RERE: variants seen among roughly 807,000 people sequenced by gnomAD.
The protein encoded by RERE is arginine-glutamic acid dipeptide repeats, also known as arginine-glutamic acid dipeptide repeats protein.
RERE carries 40 observed loss-of-function variants against 146.1 expected under a neutral mutation model. That is an observed-to-expected ratio of 0.27 (90% CI 0.21 to 0.36). The LOEUF (loss-of-function observed/expected upper bound fraction) is 0.36, where lower values mean the gene tolerates loss of function less well. RERE is among the 10% of genes least tolerant of loss of function. The probability of loss-of-function intolerance (pLI) is 1.00; values close to 1 mark genes in which losing one functional copy is unlikely to be tolerated. For missense variants in RERE, 1,933 were observed against 2,138.7 expected, an observed-to-expected ratio of 0.90 and a Z score of 1.90; for synonymous variants, 1,003 against 866.0, an observed-to-expected ratio of 1.16 and a Z score of -2.78.
chr1:8,577,183 GAAAGA>G (rs1646306544), intron 4 of RERE, among the ~76,000 whole-genome samples: 1 of 151,252 alleles, frequency 6.6e-6, no homozygotes, highest in South Asian at 2.1e-4. Context: ...AAAGATGAAA[GAAAGA>G]AATTTCATAT....
At chr1:8,477,858 G>C (rs1400018582) in intron 10 of RERE, among the ~76,000 whole-genome samples, 1 of 152,168 alleles carries the variant, frequency 6.6e-6, no homozygotes, top group East Asian at 1.9e-4. Context: ...ATGAAGTTAT[G>C]GAACAACGAA....
intron 11 of RERE, among the ~76,000 whole-genome samples, chr1:8,443,467 A>AAAAAAAAAAAAAAG: frequency 6.7e-6 from 1 of 148,990 alleles, no homozygotes; most frequent in Non-Finnish European, 1.5e-5. Context: ...AAGAAAAAAA[A>AAAAAAAAAAAAAAG]AAAAAAAAAA....
At chr1:8,666,642 T>C (rs901387486) in intron 1 of RERE, among the ~76,000 whole-genome samples, 1 of 152,244 alleles carries the variant, frequency 6.6e-6, no homozygotes, top group Non-Finnish European at 1.5e-5. Flanking sequence ...TAAGGCATTC[T>C]CATAAACAGT....
chr1:8,416,454 CG>C lies in RERE; in HGVS notation c.1284+6272del, dbSNP rs1448960457. Reference sequence around the variant, plus strand: ...ACAAAAAATTAGCCAGGCGTGGTGGCGGGCGCCTGTAGTCCCAGCTACTCGG... The same window carrying C: ...ACAAAAAATTAGCCAGGCGTGGTGGCGGCGCCTGTAGTCCCAGCTACTCGG... On this transcript the variant is annotated intron_variant, in intron 12 of 22. Transcript: ENST00000400908. Among the ~76,000 whole-genome samples the C allele has an allele frequency of 1.3e-4, 20 of 151,708 alleles. 1 individual carries two copies. The highest frequency in any genetic ancestry group is 2.9e-5 in the Non-Finnish European group (2 of 67,902).
chr1:8,559,292 A>AC lies in RERE; in HGVS notation c.523-1770_523-1769insG, dbSNP rs1166945212. Among the ~76,000 whole-genome samples, 2 of 144,212 alleles carry AC rather than the reference A, an allele frequency of 1.4e-5. 1 individual carries two copies. Among genetic ancestry groups the AC allele is most frequent in the Admixed American group, 1.4e-4 (2 of 14,174 alleles). 94.6% of individuals were successfully genotyped at this position (144,212 alleles called of 152,430 possible). A position where few individuals can be genotyped will look rare whatever the true frequency, so the allele number is the denominator to read the frequency against. On this transcript the variant is annotated intron_variant, in intron 4 of 22. Transcript: ENST00000400908. Reference sequence around the variant, plus strand: ...CAAAACTCCAGCTCAAAAAAAAAAAAAAAAAAAAAAAACAGAACAAAACAA... The same window carrying AC: ...CAAAACTCCAGCTCAAAAAAAAAAAACAAAAAAAAAAAACAGAACAAAACAA...
intron 1 of RERE, among the ~76,000 whole-genome samples, chr1:8,712,874 CA>C (rs1286808974): frequency 6.6e-6 from 1 of 151,464 alleles, no homozygotes; most frequent in Non-Finnish European, 1.5e-5. Flanking sequence ...GCTTTAAAAA[CA>C]GGAAGTCTGT....
At chr1:8,501,392 CCCCCGCCCGGCCAGCCG>C (rs1298430643) in intron 8 of RERE, among the ~76,000 whole-genome samples, 1 of 81,122 alleles carries the variant, frequency 1.2e-5, no homozygotes, top group African/African-American at 6.0e-5. Flanking sequence ...GGGGGTCAGC[CCCCCGCCCGGCCAGCCG>C]CCCCGTCCGG....
chr1:8,507,601 G>A (rs1239979328), intron 8 of RERE, among the ~76,000 whole-genome samples: 2 of 152,046 alleles, frequency 1.3e-5, no homozygotes, highest in African/African-American at 4.8e-5. Context: ...TAGGGATGGA[G>A]TTTCACCATG....
intron 12 of RERE, among the ~76,000 whole-genome samples, chr1:8,373,639 G>A (rs1158949021): frequency 6.6e-6 from 1 of 152,160 alleles, no homozygotes; most frequent in Non-Finnish European, 1.5e-5. Context: ...GTCTGCATGC[G>A]ACGCTGTCCC....
intron 2 of RERE, among the ~76,000 whole-genome samples, chr1:8,636,613 T>TG (rs1343183650): frequency 6.6e-6 from 1 of 152,104 alleles, no homozygotes; most frequent in Non-Finnish European, 1.5e-5. Context: ...GGTACACAGT[T>TG]GGACACATGG....
intron 1 of RERE, among the ~76,000 whole-genome samples, chr1:8,676,460 A>AT (rs1371619076): frequency 2.0e-5 from 3 of 151,922 alleles, no homozygotes; most frequent in Non-Finnish European, 2.9e-5. Context: ...TAAGTCACAT[A>AT]TTTTTTTACA....
intron 1 of RERE, among the ~76,000 whole-genome samples, chr1:8,752,940 A>C (rs1182677078): frequency 6.6e-6 from 1 of 152,220 alleles, no homozygotes; most frequent in Non-Finnish European, 1.5e-5. Context: ...CAATAATAAT[A>C]ATCTGTCCTG....
At chr1:8,651,781 T>G (rs1197771758) in intron 2 of RERE, among the ~76,000 whole-genome samples, 1 of 151,764 alleles carries the variant, frequency 6.6e-6, no homozygotes, top group Non-Finnish European at 1.5e-5. Flanking sequence ...TCAACCCCCA[T>G]CTGGGAATCT....
chr1:8,726,147 C>CTTTTTTTTTTTTTTTTTTTTTTTTTTTTT (rs70985511), intron 1 of RERE, among the ~76,000 whole-genome samples: 3 of 69,406 alleles, frequency 4.3e-5, no homozygotes, highest in African/African-American at 2.0e-4. Flanking sequence ...TTTTTCTTTT[C>CTTTTTTTTTTTTTTTTTTTTTTTTTTTTT]TTTTTTTTTT....
At chr1:8,383,325 C>G (rs755321712) in intron 12 of RERE, among the ~76,000 whole-genome samples, 1 of 151,218 alleles carries the variant, frequency 6.6e-6, no homozygotes, top group Non-Finnish European at 1.5e-5. Flanking sequence ...AACAGAATGA[C>G]GCCACACAAG....
At chr1:8,437,718 G>A (rs1644189819) in intron 11 of RERE, among the ~76,000 whole-genome samples, 1 of 152,164 alleles carries the variant, frequency 6.6e-6, no homozygotes, top group South Asian at 2.1e-4. Flanking sequence ...ATATTTATAA[G>A]GAATACAAAC....
chr1:8,531,067 ATCT>A, intron 7 of RERE, among the ~76,000 whole-genome samples: 1 of 142,560 alleles, frequency 7.0e-6, no homozygotes, highest in South Asian at 2.2e-4. Context: ...CTATCTATCT[ATCT>A]AACTTTCTAT....
At chr1:8,659,472 G>A (rs531675994) in intron 1 of RERE, among the ~76,000 whole-genome samples, 24 of 152,318 alleles carry the variant, frequency 1.6e-4, no homozygotes, top group Admixed American at 8.5e-4. Flanking sequence ...CAGGAGAATC[G>A]TATGAACCCA....
chr1:8,586,674 A>G (rs939989787), intron 4 of RERE, among the ~76,000 whole-genome samples: 1 of 152,236 alleles, frequency 6.6e-6, no homozygotes, highest in African/African-American at 2.4e-5. Flanking sequence ...CCACAGATGC[A>G]CTATATGAGC....
Sources: allele counts gnomAD v4.1 joint callset (sites outside exome capture counted in the v4.1 genomes callset), GRCh38; gene constraint gnomAD v4.1.1; transcripts MANE v1.5; gene names NCBI Gene and HGNC (gene_info 2026-07-23, HGNC 2026-07-21).